The following CNTN2 variants were observed in gnomAD, a reference collection of about 807,000 sequenced individuals.
The protein encoded by CNTN2 is contactin-2.
Under a neutral mutation model 117.5 loss-of-function variants are expected in CNTN2, and 53 were observed. The ratio of observed to expected loss-of-function variants is 0.45; its 90% confidence interval spans 0.36 to 0.57. The LOEUF (loss-of-function observed/expected upper bound fraction) is 0.57, where lower values mean the gene tolerates loss of function less well. CNTN2 is among the 20% of genes least tolerant of loss of function. The pLI, the probability that CNTN2 is intolerant of heterozygous loss-of-function variation, is 0.00. For missense variants in CNTN2, 1,106 were observed against 1,404.3 expected (o/e 0.79, Z 3.39); for synonymous variants, 530 against 561.7 (o/e 0.94, Z 0.80).
intron 15 of CNTN2, among the ~76,000 whole-genome samples, chr1:205,066,891 G>T (rs902857484): frequency 6.9e-6 from 1 of 144,730 alleles, no homozygotes; most frequent in African/African-American, 2.5e-5. Flanking sequence ...GGACATAGGG[G>T]CGTAGGCGTG....
At chr1:205,064,219 G>A (rs1654144449) in intron 10 of CNTN2, 103 bp from the exon 11 acceptor site, 3 of 1,264,596 alleles carry the variant, frequency 2.4e-6, no homozygotes, top group Non-Finnish European at 2.2e-6. Context: ...TGGAAGAGGT[G>A]CTAATAGGAG....
Position 205,058,423 on chromosome 1 carries a change from A to G in CNTN2, c.391+67A>G. The G allele has an allele frequency of 6.5e-7, 1 of 1,529,424 alleles. No individual in the cohort carries two copies. The highest frequency in any genetic ancestry group is 8.8e-7 in the Non-Finnish European group (1 of 1,131,978). The allele number at this position is 1,529,424 out of a possible 1,614,324, so 94.7% of individuals were successfully genotyped here. ...GAGGGGGCTAGGAGAAATTACTGAG[A>G]AAGGATAAGGGACACCCTCAAGCCG... On this transcript the variant is annotated intron_variant, in intron 4 of 22. Transcript: ENST00000331830. This position sits in a 1 kb window ranked among gnomAD's most constrained non-coding sequence, Gnocchi z 4.3.
intron 12 of CNTN2, 116 bp from the exon 13 acceptor site, chr1:205,064,971 C>A: frequency 2.3e-6 from 3 of 1,294,876 alleles, no homozygotes; most frequent in Non-Finnish European, 3.2e-6. Flanking sequence ...ACCTGTGGGT[C>A]ACACCACCTC....
chr1:205,062,592 G>T lies in CNTN2; in HGVS notation c.1240+23G>T. ...AAGGTAAGGGGCCCAGGGAGGCAGG[G>T]GACATCCCAAGGACATGCATATGGT... is the stretch of plus-strand genomic sequence containing the variant. On this transcript the variant is annotated intron_variant, in intron 10 of 22. Coordinates refer to ENST00000331830, the MANE Select transcript of CNTN2 (RefSeq NM_005076.5). 1.9e-6 allele frequency: 3 copies of T among 1,605,570 alleles called. No homozygotes were observed. The East Asian group carries it at 6.7e-5, about 36-fold the overall frequency.
Position 205,061,993 on chromosome 1 carries a change from G to A in CNTN2, c.1102G>A (p.Ala368Thr), listed in dbSNP as rs769958244. The A allele has an allele frequency of 1.2e-6, 2 of 1,613,244 alleles. No homozygotes were observed. The highest frequency in any genetic ancestry group is 2.2e-5 in the South Asian group (2 of 91,034). The part of the protein sequence containing the change: ...VRWLRNGEPL[A>T]SQNRVEVLAG... ...CTGGCTGCGGAACGGGGAGCCTCTG[G>A]CCTCCCAGGTAGGAGACATGGGGCT... The change falls in exon 9 of 23, where the codon GCC becomes ACC. Residue 368 changes from alanine (A) to threonine (T), a missense_variant. Transcript: ENST00000331830. The surrounding 1 kb of genome is among the most constrained non-coding windows in gnomAD (Gnocchi z 4.8).
rs1015090667 is a variant in CNTN2 at position 205,058,904 on chromosome 1, C to T, written c.488-180C>T. 60 of 691,654 alleles carry T rather than the reference C, an allele frequency of 8.7e-5. No individual in the cohort carries two copies. Among genetic ancestry groups the T allele is most frequent in the African/African-American group, 1.6e-4 (9 of 55,648 alleles). The allele number at this position is 691,654 out of a possible 1,614,324, so 42.8% of individuals were successfully genotyped here. A position where few individuals can be genotyped will look rare whatever the true frequency, so the allele number is the denominator to read the frequency against. On this transcript the variant is annotated intron_variant, in intron 5 of 22. Transcript: ENST00000331830. The surrounding 1 kb of genome is among the most constrained non-coding windows in gnomAD (Gnocchi z 4.3). ...GGGCTGCGATCCCTGGCAGACTTAG[C>T]GCTCCCTGAGGGCAGGAATAAAGTC... is the stretch of plus-strand genomic sequence containing the variant.
chr1:205,046,952 C>T (rs1004085668), intron 1 of CNTN2, among the ~76,000 whole-genome samples: 1 of 152,132 alleles, frequency 6.6e-6, no homozygotes, highest in Admixed American at 6.5e-5. Flanking sequence ...GTAGGTCTCT[C>T]TTGCAGGGGC....
Position 205,058,237 on chromosome 1 carries a change from TG to T in CNTN2, c.278del (p.Gly93AlafsTer6). 2 of 1,563,854 alleles carry T rather than the reference TG, an allele frequency of 1.3e-6. No individual in the cohort carries two copies. Among genetic ancestry groups the T allele is most frequent in the Non-Finnish European group, 8.7e-7 (1 of 1,155,768 alleles). On this transcript the variant is annotated frameshift_variant, in exon 4 of 23. Transcript: ENST00000331830. LOFTEE classifies it high-confidence loss of function. This position sits in a 1 kb window ranked among gnomAD's most constrained non-coding sequence, Gnocchi z 4.3. The stretch of plus-strand genomic sequence containing the variant: ...GAGCCAGGTTCCCGTCACCAGCTGG[TG>T]GGGGGCAACCTGGTCATCATGAACC... ...KLEPGSRHQL[V>X]GGNLVIMNPT...
intron 18 of CNTN2, 118 bp from the exon 19 acceptor site, chr1:205,070,308 G>A (rs1194978245): frequency 2.6e-6 from 2 of 761,716 alleles, no homozygotes; most frequent in African/African-American, 1.8e-5. Context: ...CTCCCACTCG[G>A]CCTTCATCCT....
intron 2 of CNTN2, among the ~76,000 whole-genome samples, chr1:205,056,559 C>T (rs1316223398): frequency 6.6e-6 from 1 of 152,202 alleles, no homozygotes; most frequent in Non-Finnish European, 1.5e-5. Context: ...AGCATGGGGC[C>T]ACCCCCTACC....
rs183705122 is a variant in CNTN2, at chr1:205,073,465, C to T, written c.3014-191C>T. 452 of 728,294 alleles carry T rather than the reference C, an allele frequency of 6.2e-4. No individual in the cohort carries two copies. The highest frequency in any genetic ancestry group is 9.7e-4 in the Non-Finnish European group (432 of 444,556). The allele number at this position is 728,294 out of a possible 1,614,324, so 45.1% of individuals were successfully genotyped here. Reference sequence around the variant, plus strand: ...GAAGGGCGCAGGGTGCAGGGGGAGGCTGAGGACCAACCAGCAATAGCAAAC... The same window carrying T: ...GAAGGGCGCAGGGTGCAGGGGGAGGTTGAGGACCAACCAGCAATAGCAAAC... On this transcript the variant is annotated intron_variant, in intron 22 of 22. Coordinates refer to ENST00000331830, the MANE Select transcript of CNTN2 (RefSeq NM_005076.5). The surrounding 1 kb of genome is among the most constrained non-coding windows in gnomAD (Gnocchi z 6.3).
chr1:205,063,894 A>AAG (rs1240778832), intron 10 of CNTN2, among the ~76,000 whole-genome samples: 21 of 151,270 alleles, frequency 1.4e-4, no homozygotes, highest in Admixed American at 3.3e-4. Context: ...ACAACTTCAA[A>AAG]AGAGAGAGAG....
intron 2 of CNTN2, among the ~76,000 whole-genome samples, chr1:205,056,175 A>G (rs1485230850): frequency 6.6e-6 from 1 of 152,144 alleles, no homozygotes; most frequent in Non-Finnish European, 1.5e-5. Context: ...GTCTGAATGT[A>G]TCAACATGCC....
Position 205,058,323 on chromosome 1 carries a change from G to A in CNTN2, c.358G>A (p.Val120Ile), listed in dbSNP as rs1424524492. ...QCLASNPVGT[V>I]VSREAILRFG... Reference sequence around the variant, plus strand: ...CCTGGCCTCCAACCCAGTGGGCACCGTTGTCAGCAGGGAGGCCATCCTCCG... The same window carrying A: ...CCTGGCCTCCAACCCAGTGGGCACCATTGTCAGCAGGGAGGCCATCCTCCG... The change falls in exon 4 of 23, where the codon GTT (valine) becomes ATT (isoleucine). Residue 120 changes from valine to isoleucine, a missense_variant. Coordinates refer to ENST00000331830, the MANE Select transcript of CNTN2 (RefSeq NM_005076.5). This position sits in a 1 kb window ranked among gnomAD's most constrained non-coding sequence, Gnocchi z 4.3. 43 of 1,526,322 alleles carry A rather than the reference G, an allele frequency of 2.8e-5. 1 individual carries two copies. Among genetic ancestry groups the A allele is most frequent in the East Asian group, 1.6e-4 (7 of 43,992 alleles). The allele number at this position is 1,526,322 out of a possible 1,614,324, so 94.5% of individuals were successfully genotyped here.
rs776685828 is a variant in CNTN2, at chr1:205,069,851, G to A, written c.2221G>A (p.Gly741Arg). The change falls in exon 18 of 23, where the codon GGA becomes AGA. Residue 741 changes from glycine (G) to arginine (R), a missense_variant. Gly to Arg is a moderately radical substitution (Grantham distance 125, BLOSUM62 -2). Coordinates refer to ENST00000331830, the MANE Select transcript of CNTN2 (RefSeq NM_005076.5). ...GCCCATGTCACGGGAGTACCAGAAC[G>A]GAGACGGCTTCGGCTACCTGCTGTC... ...WTPMSREYQN[G>R]DGFGYLLSFR... 1 of 1,613,860 alleles carries A rather than the reference G, an allele frequency of 6.2e-7. No individual in the cohort carries two copies. The highest frequency in any genetic ancestry group is 8.5e-7 in the Non-Finnish European group (1 of 1,179,958).
In CNTN2 at chr1:205,071,991, A is replaced by G. The variant is rs1452001260; in HGVS notation, c.2589A>G (p.Arg863=). ...GGGACAAAGAAGCAGCTGCGGACCG[A>G]GTGAGGACAGCAGGGCTGGACACCA... The part of the protein sequence containing the change: ...KAGDKEAAAD[R]VRTAGLDTSA... Residue 863 remains arginine (R), a synonymous_variant, in exon 20 of 23, where the codon CGA becomes CGG. Coordinates refer to ENST00000331830, the MANE Select transcript of CNTN2 (RefSeq NM_005076.5). The G allele has an allele frequency of 6.2e-7, 1 of 1,614,016 alleles. No homozygotes were observed. Among genetic ancestry groups the G allele is most frequent in the Admixed American group, 1.7e-5 (1 of 59,988 alleles).
chr1:205,070,377 G>A (rs1054995650), intron 18 of CNTN2, 49 bp from the exon 19 acceptor site: 50 of 1,352,330 alleles, frequency 3.7e-5, no homozygotes, highest in Non-Finnish European at 5.1e-5. Flanking sequence ...TGCTCTGCAG[G>A]ACACAGGGGG....
chr1:205,065,548 T>C lies in CNTN2; in HGVS notation c.1696-241T>C, dbSNP rs1654236870. Reference sequence around the variant, plus strand: ...TTAGCCTGTCCCCTAGGGCAAATGATATTATTAATGTGGACAGTCATTGAC... The same window carrying C: ...TTAGCCTGTCCCCTAGGGCAAATGACATTATTAATGTGGACAGTCATTGAC... On this transcript the variant is annotated intron_variant, in intron 13 of 22. Transcript: ENST00000331830. This position sits in a 1 kb window ranked among gnomAD's most constrained non-coding sequence, Gnocchi z 4.1. Among the ~76,000 whole-genome samples the C allele has an allele frequency of 6.6e-6, 1 of 152,016 alleles. No individual in the cohort carries two copies. Among genetic ancestry groups the C allele is most frequent in the East Asian group, 1.9e-4 (1 of 5,152 alleles).
chr1:205,047,492 GAGA>G (rs1273798567), intron 1 of CNTN2, among the ~76,000 whole-genome samples: 2 of 152,156 alleles, frequency 1.3e-5, no homozygotes, highest in Non-Finnish European at 2.9e-5. Flanking sequence ...GAGGGCTGTT[GAGA>G]AGGAGTACCT....
Sources: gnomAD v4.1 joint callset for allele counts (sites outside exome capture counted in the v4.1 genomes callset) on GRCh38, gnomAD v4.1.1 for gene constraint, Gnocchi (gnomAD v3.1) non-coding constraint, MANE v1.5 for transcripts, NCBI Gene and HGNC (gene_info 2026-07-23, HGNC 2026-07-21) for gene names.